ROR1: variants seen among roughly 807,000 people sequenced by gnomAD.
ROR1 encodes the protein ROR family WNT receptor 1, also known as inactive tyrosine-protein kinase transmembrane receptor ROR1.
Under a neutral mutation model 78.8 loss-of-function variants are expected in ROR1, and 19 were observed. The ratio of observed to expected loss-of-function variants is 0.24; its 90% CI spans 0.17 to 0.35. The LOEUF is 0.35. Among genes scored for constraint, ROR1 ranks in the 10% least tolerant of loss-of-function variants. The pLI, the probability that ROR1 is intolerant of heterozygous loss-of-function variation, is 1.00. For missense variants in ROR1, 917 were observed against 1,177.8 expected, an observed-to-expected ratio of 0.78 and a Z score of 3.24; for synonymous variants, 386 against 433.6, an observed-to-expected ratio of 0.89 and a Z score of 1.36.
In ROR1 at chr1:63,884,392, C is replaced by T. The variant is rs368728422; in HGVS notation, c.91+109884C>T. Among the ~76,000 whole-genome samples, 6 of 152,276 alleles carry T rather than the reference C, an allele frequency of 3.9e-5. No individual in the cohort carries two copies. The East Asian group carries it at 7.7e-4, about 20-fold the overall frequency. ...TTGCTGTAGTCTCTTCTCTCACTGGCCTGCCCCGGTGCCATGATCTGAGGA... is the reference window on the plus strand; with the variant it reads ...TTGCTGTAGTCTCTTCTCTCACTGGTCTGCCCCGGTGCCATGATCTGAGGA... On this transcript the variant is annotated intron_variant, in intron 1 of 8. Transcript: ENST00000371079.
chr1:64,154,026 A>C (rs1208798232), intron 7 of ROR1, among the ~76,000 whole-genome samples: 1 of 152,204 alleles, frequency 6.6e-6, no homozygotes, highest in African/African-American at 2.4e-5. Context: ...AGTTACTAAG[A>C]TTTTTCCCAA....
intron 4 of ROR1, among the ~76,000 whole-genome samples, chr1:64,119,325 G>A (rs1381850320): frequency 5.9e-5 from 9 of 152,004 alleles, no homozygotes; most frequent in Non-Finnish European, 1.3e-4. Flanking sequence ...CCTTATTCAC[G>A]ATTCTCAACA....
chr1:64,091,708 T>A (rs1042235623), intron 4 of ROR1, among the ~76,000 whole-genome samples: 6 of 152,122 alleles, frequency 3.9e-5, no homozygotes, highest in African/African-American at 1.4e-4. Context: ...TATATTCTCT[T>A]CTTCCCTCTT....
intron 1 of ROR1, among the ~76,000 whole-genome samples, chr1:63,966,043 T>C (rs1478308194): frequency 6.6e-6 from 1 of 152,218 alleles, no homozygotes; most frequent in Non-Finnish European, 1.5e-5. Context: ...TTAAATCCGA[T>C]GTTAGAGCTT....
intron 3 of ROR1, 29 bp from the exon 4 acceptor site, chr1:64,050,657 T>C: frequency 6.2e-7 from 1 of 1,610,862 alleles, no homozygotes. Flanking sequence ...AGACTGACTG[T>C]TTCTTTTGTT....
At chr1:64,094,119 A>G (rs944214311) in intron 4 of ROR1, among the ~76,000 whole-genome samples, 1 of 152,162 alleles carries the variant, frequency 6.6e-6, no homozygotes, top group African/African-American at 2.4e-5. Flanking sequence ...TTTGACTCAA[A>G]AAGTCTGACT....
At chr1:63,997,224 A>G (rs1054041967) in intron 1 of ROR1, among the ~76,000 whole-genome samples, 5 of 152,150 alleles carry the variant, frequency 3.3e-5, no homozygotes, top group Admixed American at 2.0e-4. Flanking sequence ...CAATTTGCCC[A>G]TTTATAATGG....
At chr1:64,168,962 A>G (rs926904389) in intron 8 of ROR1, among the ~76,000 whole-genome samples, 7 of 152,216 alleles carry the variant, frequency 4.6e-5, no homozygotes, top group Admixed American at 6.5e-5. Flanking sequence ...GAAATGGACA[A>G]TCTCAGACCC....
chr1:64,126,562 A>G (rs377731217), intron 4 of ROR1, among the ~76,000 whole-genome samples: 135 of 152,306 alleles, frequency 8.9e-4, no homozygotes, highest in African/African-American at 2.0e-3. Flanking sequence ...AACATATTAT[A>G]CAGTTCAACT....
At chr1:64,067,805 C>T (rs1331661393) in intron 4 of ROR1, among the ~76,000 whole-genome samples, 4 of 150,276 alleles carry the variant, frequency 2.7e-5, no homozygotes, top group South Asian at 4.2e-4. Context: ...CTCCGCCTCC[C>T]GGGTTCAAAC....
intron 1 of ROR1, among the ~76,000 whole-genome samples, chr1:63,818,275 AGGGG>A (rs1346554264): frequency 1.5e-4 from 23 of 152,294 alleles, no homozygotes; most frequent in African/African-American, 4.8e-4. Context: ...AATTATTTCT[AGGGG>A]CTTCTTACCA....
intron 7 of ROR1, among the ~76,000 whole-genome samples, chr1:64,152,043 T>C (rs1273505698): frequency 2.0e-5 from 3 of 152,208 alleles, no homozygotes; most frequent in African/African-American, 7.2e-5. Flanking sequence ...AAAGTGATTA[T>C]GGAATGATTC....
chr1:64,137,220 A>G, intron 4 of ROR1, 149 bp from the exon 5 acceptor site: 1 of 696,786 alleles, frequency 1.4e-6, no homozygotes, highest in East Asian at 2.9e-5. Flanking sequence ...TTAAGAACTG[A>G]GCAAAAGCCC....
At chr1:64,142,376 A>G in intron 6 of ROR1, 29 bp from the exon 7 acceptor site, 1 of 1,611,366 alleles carries the variant, frequency 6.2e-7, no homozygotes, top group Non-Finnish European at 8.5e-7. Context: ...GTTTCTTTCT[A>G]ATTGTTTGGG....
At chr1:64,078,267 A>G (rs1318006547) in intron 4 of ROR1, among the ~76,000 whole-genome samples, 2 of 152,202 alleles carry the variant, frequency 1.3e-5, no homozygotes, top group Non-Finnish European at 2.9e-5. Flanking sequence ...GGGTCTTGGA[A>G]AAAGAATAGG....
chr1:64,049,758 G>A lies in ROR1; in HGVS notation c.231G>A (p.Leu77=). The change falls in exon 3 of 9, where the codon CTG becomes CTA. Residue 77 remains leucine, a synonymous_variant. Coordinates refer to ENST00000371079, the MANE Select transcript of ROR1 (RefSeq NM_005012.4). ...CGTCTCTGGGCCAGACAGCAGAACT[G>A]CACTGCAAAGTCTCTGGGAATCCAC... ...ITTSLGQTAE[L]HCKVSGNPPP... 2 of 1,614,122 alleles carry A rather than the reference G, an allele frequency of 1.2e-6. No individual in the cohort carries two copies. Among genetic ancestry groups the A allele is most frequent in the Non-Finnish European group, 1.7e-6 (2 of 1,180,014 alleles).
At chr1:64,175,576 A>T (rs935873684) in intron 8 of ROR1, among the ~76,000 whole-genome samples, 3 of 152,204 alleles carry the variant, frequency 2.0e-5, no homozygotes, top group African/African-American at 7.2e-5. Flanking sequence ...ACTTTCTAAA[A>T]CTCATTTCCA....
intron 4 of ROR1, among the ~76,000 whole-genome samples, chr1:64,086,728 T>C (rs1243308519): frequency 6.6e-6 from 1 of 152,164 alleles, no homozygotes; most frequent in Non-Finnish European, 1.5e-5. Flanking sequence ...AAATAAGTGC[T>C]TTTTTTCTCC....
intron 4 of ROR1, among the ~76,000 whole-genome samples, chr1:64,100,196 A>G (rs1326277937): frequency 6.6e-6 from 1 of 152,140 alleles, no homozygotes; most frequent in African/African-American, 2.4e-5. Context: ...TTTAAAAAAA[A>G]GTTGACCATG....
Sources: gnomAD v4.1 joint callset for allele counts (sites outside exome capture counted in the v4.1 genomes callset) on GRCh38, gnomAD v4.1.1 for gene constraint, MANE v1.5 for transcripts, NCBI Gene and HGNC (gene_info 2026-07-23, HGNC 2026-07-21) for gene names.